NCEH1: variants seen among roughly 807,000 people sequenced by gnomAD.
NCEH1 encodes 2-acetyl MAGE hydrolase.
A neutral mutation model predicts 25.4 loss-of-function variants in NCEH1; 9 were observed. The ratio of observed to expected loss-of-function variants is 0.35; its 90% confidence interval spans 0.21 to 0.62. The LOEUF is 0.62. Ranked by LOEUF, NCEH1 falls within the 20% of genes least tolerant of loss-of-function variation. NCEH1 has a pLI of 0.72. For missense variants in NCEH1, 412 were observed against 501.1 expected (o/e 0.82, Z 1.70); for synonymous variants, 200 against 199.8 (o/e 1.00, Z -0.01).
chr3:172,710,199 C>T (rs551833544), intron 1 of NCEH1, among the ~76,000 whole-genome samples: 1 of 152,190 alleles, frequency 6.6e-6, no homozygotes, highest in Non-Finnish European at 1.5e-5. Flanking sequence ...TCATGCAAAC[C>T]AGGGCTGCCG....
At chr3:172,673,058 A>G (rs975359088) in intron 1 of NCEH1, among the ~76,000 whole-genome samples, 1 of 152,206 alleles carries the variant, frequency 6.6e-6, no homozygotes, top group African/African-American at 2.4e-5. Context: ...AAAAGGAAGC[A>G]GACCTCCTTC....
Position 172,695,156 on chromosome 3 carries a change from C to T in NCEH1, c.138+15691G>A, listed in dbSNP as rs920857135. Among the ~76,000 whole-genome samples, 3 of 152,202 alleles carry T rather than the reference C, an allele frequency of 2.0e-5. No individual in the cohort carries two copies. The East Asian group carries it at 5.8e-4, about 29-fold the overall frequency. On this transcript the variant is annotated intron_variant, in intron 1 of 4. Transcript: ENST00000475381. ...CATACTCATAGGCCAGATCTCTAAG[C>T]CCCAGAGTTGTCAATCATTTGAGCA...
At chr3:172,705,128 A>G (rs1713904105) in intron 1 of NCEH1, among the ~76,000 whole-genome samples, 1 of 152,238 alleles carries the variant, frequency 6.6e-6, no homozygotes, top group Admixed American at 6.5e-5. Flanking sequence ...AGAAATAGAA[A>G]AATTATCCCT....
intron 1 of NCEH1, among the ~76,000 whole-genome samples, chr3:172,670,849 T>C (rs1711572261): frequency 6.6e-6 from 1 of 152,164 alleles, no homozygotes; most frequent in African/African-American, 2.4e-5. Context: ...TTTATGAAAA[T>C]TTCATATTTA....
At chr3:172,688,377 G>C (rs906290633) in intron 1 of NCEH1, among the ~76,000 whole-genome samples, 7 of 148,566 alleles carry the variant, frequency 4.7e-5, no homozygotes, top group African/African-American at 1.5e-4. Flanking sequence ...AGATTACGGA[G>C]ACTCTAAAGG....
chr3:172,675,305 A>AT (rs1711909560), intron 1 of NCEH1, among the ~76,000 whole-genome samples: 3 of 14,304 alleles, frequency 2.1e-4, no homozygotes, highest in Non-Finnish European at 5.3e-4. Context: ...CCTGTCTCAA[A>AT]TAAATAAATA....
intron 3 of NCEH1, among the ~76,000 whole-genome samples, chr3:172,640,116 C>G (rs770142061): frequency 1.3e-5 from 2 of 152,160 alleles, no homozygotes; most frequent in Non-Finnish European, 2.9e-5. Context: ...GTGGAAGGGA[C>G]GCCAAGTTCT....
Position 172,642,109 on chromosome 3 carries a change from T to G in NCEH1, c.437+3514A>C, listed in dbSNP as rs886358984. On this transcript the variant is annotated intron_variant, in intron 3 of 4. Coordinates refer to ENST00000475381, the MANE Select transcript of NCEH1 (RefSeq NM_020792.6). ...AGGAATCCAGTAAATATTTATGGAA[T>G]AAAAGAAAGAAGAAAGAAGCGAGCC... 1.4e-3 allele frequency among the ~76,000 whole-genome samples: 214 copies of G among 152,248 alleles called. 1 individual carries two copies. Among genetic ancestry groups the G allele is most frequent in the Admixed American group, 4.2e-3 (64 of 15,282 alleles).
Position 172,633,394 on chromosome 3 carries a change from A to G in NCEH1, c.*81T>C. On this transcript the variant is annotated 3_prime_UTR_variant, in exon 5 of 5. Transcript: ENST00000475381. The stretch of plus-strand genomic sequence containing the variant: ...GTAGAGGGGAATGGGAGGAAGAATT[A>G]GTCAACTAAAAAGTGCATGTCTTTC... 1 of 1,291,280 alleles carries G rather than the reference A, an allele frequency of 7.7e-7. No individual in the cohort carries two copies. The allele number at this position is 1,291,280 out of a possible 1,614,324, so 80.0% of individuals were successfully genotyped here.
chr3:172,676,267 C>A (rs1711989324), intron 1 of NCEH1, among the ~76,000 whole-genome samples: 1 of 152,096 alleles, frequency 6.6e-6, no homozygotes, highest in Non-Finnish European at 1.5e-5. Flanking sequence ...AACAGAAAAA[C>A]CGCTTGAAGG....
At chr3:172,643,871 T>A (rs1195293713) in intron 3 of NCEH1, among the ~76,000 whole-genome samples, 1 of 152,190 alleles carries the variant, frequency 6.6e-6, no homozygotes, top group African/African-American at 2.4e-5. Context: ...CACCGAGCTG[T>A]AGGGCCTTGT....
At position 172,669,267 on chromosome 3, in the gene NCEH1, G is replaced by A. The variant is rs573619795; in HGVS notation, c.139-21153C>T. 2.6e-5 allele frequency among the ~76,000 whole-genome samples: 4 copies of A among 152,280 alleles called. No individual in the cohort carries two copies. The South Asian group carries it at 8.3e-4, about 32-fold the overall frequency. On this transcript the variant is annotated intron_variant, in intron 1 of 4. Transcript: ENST00000475381. ...AGCTACACTAAATGAGATCTGCCTA[G>A]GAAGCAGTGGAAAAAAATTATGTGA...
chr3:172,674,567 T>C (rs1376947400), intron 1 of NCEH1, among the ~76,000 whole-genome samples: 2 of 119,918 alleles, frequency 1.7e-5, no homozygotes, highest in Non-Finnish European at 3.2e-5. Flanking sequence ...ATAGTAGAAC[T>C]TCTTTTTAAC....
chr3:172,662,102 G>A (rs1011647647), intron 1 of NCEH1, among the ~76,000 whole-genome samples: 7 of 152,052 alleles, frequency 4.6e-5, no homozygotes, highest in Non-Finnish European at 7.4e-5. Flanking sequence ...ATTGGCTGTG[G>A]GTTTGTCATA....
chr3:172,665,392 T>G (rs1201192901), intron 1 of NCEH1, among the ~76,000 whole-genome samples: 1 of 152,176 alleles, frequency 6.6e-6, no homozygotes, highest in Non-Finnish European at 1.5e-5. Flanking sequence ...GAGGTGTCAG[T>G]TGGCCCCCAC....
chr3:172,643,397 G>T (rs903000473), intron 3 of NCEH1, among the ~76,000 whole-genome samples: 4 of 152,056 alleles, frequency 2.6e-5, no homozygotes, highest in African/African-American at 7.3e-5. Context: ...ATACAGGAAG[G>T]GTTCTCAACC....
Position 172,633,924 on chromosome 3 carries a change from A to T in NCEH1, c.778T>A (p.Tyr260Asn). The change falls in exon 5 of 5, where the codon TAT becomes AAT. Residue 260 changes from tyrosine (Y) to asparagine (N), a missense_variant. By Grantham distance (143) the Tyr-to-Asn change is moderately radical. Transcript: ENST00000475381. Reference protein sequence around the residue: ...KYWVDYFKGNYDFVQAMIVNN... With the variant: ...KYWVDYFKGNNDFVQAMIVNN... The stretch of plus-strand genomic sequence containing the variant: ...ACGATCATTGCCTGCACAAAGTCAT[A>T]GTTGCCTTTGAAGTAGTCCACCCAA... 6.2e-7 allele frequency: 1 copy of T among 1,614,148 alleles called. No individual in the cohort carries two copies. Among genetic ancestry groups the T allele is most frequent in the Non-Finnish European group, 8.5e-7 (1 of 1,179,960 alleles).
Position 172,635,953 on chromosome 3 carries a change from C to T in NCEH1, c.572G>A (p.Ser191Asn). 6.2e-7 allele frequency: 1 copy of T among 1,614,202 alleles called. No homozygotes were observed. ...DPGRICISGD[S>N]AGGNLAAALG... is the part of the protein sequence containing the mutation. ...GGCAGCAGCCAGATTTCCACCAGCA[C>T]TGTCACCAGAAATGCAAATTCTGCC... Residue 191 changes from serine to asparagine, a missense_variant, in exon 4 of 5, where the codon AGT becomes AAT. Coordinates refer to ENST00000475381, the MANE Select transcript of NCEH1 (RefSeq NM_020792.6).
chr3:172,646,266 G>T (rs540576138), intron 2 of NCEH1, among the ~76,000 whole-genome samples: 8 of 152,118 alleles, frequency 5.3e-5, no homozygotes, highest in Non-Finnish European at 1.2e-4. Context: ...GAGGAAGGGG[G>T]ATTACTTGAG....
Sources: allele counts gnomAD v4.1 joint callset (sites outside exome capture counted in the v4.1 genomes callset), GRCh38; gene constraint gnomAD v4.1.1; transcripts MANE v1.5; gene names NCBI Gene and HGNC (gene_info 2026-07-23, HGNC 2026-07-21).